Variants in NAV3 observed in about 807,000 individuals in gnomAD.
NAV3 encodes the protein pore membrane and/or filament interacting like protein 1.
NAV3 carries 87 observed loss-of-function variants against 244.7 expected under a neutral mutation model. The ratio of observed to expected loss-of-function variants is 0.36; its 90% confidence interval spans 0.30 to 0.42. The LOEUF is 0.42. NAV3 is among the 20% of genes least tolerant of loss of function. The pLI is 1.00. For missense variants in NAV3, 2,663 were observed against 2,893.3 expected (o/e 0.92, Z 1.83); for synonymous variants, 1,126 against 1,042.2 (o/e 1.08, Z -1.55).
intron 9 of NAV3, among the ~76,000 whole-genome samples, chr12:78,042,669 A>G (rs1413756251): frequency 6.6e-6 from 1 of 152,148 alleles, no homozygotes; most frequent in Non-Finnish European, 1.5e-5. Flanking sequence ...CGAGGGCCTG[A>G]TATCAGCTAC....
intron 22 of NAV3, among the ~76,000 whole-genome samples, chr12:78,155,179 A>T (rs529729741): frequency 3.1e-4 from 47 of 151,338 alleles, no homozygotes; most frequent in African/African-American, 1.1e-3. Flanking sequence ...CCCTCCCCTA[A>T]CTCCCACTGA....
intron 2 of NAV3, among the ~76,000 whole-genome samples, chr12:77,721,943 A>G (rs1011654455): frequency 3.9e-5 from 6 of 151,980 alleles, no homozygotes; most frequent in South Asian, 2.1e-4. Context: ...ACACAATACT[A>G]CTCATAGTTT....
intron 9 of NAV3, among the ~76,000 whole-genome samples, chr12:78,026,258 C>T (rs1252311807): frequency 3.9e-5 from 6 of 152,144 alleles, no homozygotes. Flanking sequence ...CTCAAATATC[C>T]AACTGCCAAC....
chr12:77,740,134 A>G (rs1471651523), intron 2 of NAV3, among the ~76,000 whole-genome samples: 1 of 152,208 alleles, frequency 6.6e-6, no homozygotes, highest in African/African-American at 2.4e-5. Flanking sequence ...AGGGTGAAAG[A>G]ATGCCACTTT....
At chr12:78,203,994 C>T (rs1352166780) in intron 38 of NAV3, among the ~76,000 whole-genome samples, 1 of 152,066 alleles carries the variant, frequency 6.6e-6, no homozygotes, top group Admixed American at 6.6e-5. Flanking sequence ...GCTATATCAG[C>T]TCTTACTTAT....
chr12:77,832,682 G>C (rs1190371644), intron 1 of NAV3, among the ~76,000 whole-genome samples: 1 of 151,744 alleles, frequency 6.6e-6, no homozygotes, highest in Non-Finnish European at 1.5e-5. Flanking sequence ...AGTTATTGTT[G>C]ACAGTAATCA....
At chr12:77,657,328 C>T (rs968753240) in intron 2 of NAV3, among the ~76,000 whole-genome samples, 4 of 152,282 alleles carry the variant, frequency 2.6e-5, no homozygotes, top group Non-Finnish European at 4.4e-5. Context: ...ACTACAAACA[C>T]CTCTACACAA....
At chr12:78,038,481 G>A (rs1880299162) in intron 9 of NAV3, among the ~76,000 whole-genome samples, 1 of 152,146 alleles carries the variant, frequency 6.6e-6, no homozygotes, top group Admixed American at 6.5e-5. Flanking sequence ...GATTCTTTTA[G>A]TGAACCAGTT....
chr12:77,732,556 A>G (rs711146), intron 2 of NAV3, among the ~76,000 whole-genome samples: 81,335 of 151,304 alleles, frequency 0.54, 22,552 homozygotes, highest in East Asian at 0.85. Flanking sequence ...CATTGCTAAC[A>G]TTTACTGAGA....
chr12:78,183,821 A>G (rs969405267), intron 30 of NAV3, among the ~76,000 whole-genome samples: 5 of 151,890 alleles, frequency 3.3e-5, no homozygotes, highest in Non-Finnish European at 7.4e-5. Flanking sequence ...GATTTGGTCC[A>G]TACTTATTTC....
At chr12:77,953,731 C>T (rs1891110961) in intron 3 of NAV3, among the ~76,000 whole-genome samples, 1 of 152,070 alleles carries the variant, frequency 6.6e-6, no homozygotes. Context: ...TCCTCTCTGC[C>T]CCCAGCACTA....
chr12:78,209,079 C>A lies in NAV3; in HGVS notation c.7039-1319C>A, dbSNP rs537830150. Reference sequence around the variant, plus strand: ...ATCACCTACTACTTTTATTTCATAACCTTATGTAGCTTATTTAATAAATTA... The same window carrying A: ...ATCACCTACTACTTTTATTTCATAAACTTATGTAGCTTATTTAATAAATTA... On this transcript the variant is annotated intron_variant, in intron 39 of 39. Transcript: ENST00000397909. 9.2e-4 allele frequency among the ~76,000 whole-genome samples: 140 copies of A among 152,150 alleles called. 1 individual carries two copies. The highest frequency in any genetic ancestry group is 2.9e-3 in the African/African-American group (122 of 41,526).
At chr12:77,671,245 T>C (rs1286358054) in intron 2 of NAV3, among the ~76,000 whole-genome samples, 1 of 151,962 alleles carries the variant, frequency 6.6e-6, no homozygotes, top group East Asian at 1.9e-4. Context: ...CTTAGGACTA[T>C]ACCTAACAAA....
At chr12:77,713,451 T>C (rs559555773) in intron 2 of NAV3, among the ~76,000 whole-genome samples, 2 of 152,316 alleles carry the variant, frequency 1.3e-5, no homozygotes, top group South Asian at 2.1e-4. Context: ...ATGAATACTT[T>C]TCTTATAATG....
intron 12 of NAV3, among the ~76,000 whole-genome samples, chr12:78,101,529 T>TATC (rs149993520): frequency 6.6e-6 from 1 of 152,292 alleles, no homozygotes; most frequent in Non-Finnish European, 1.5e-5. Context: ...CATTTTAGTA[T>TATC]ATCAGTGTTT....
intron 5 of NAV3, among the ~76,000 whole-genome samples, chr12:77,993,312 T>C (rs996136815): frequency 6.6e-6 from 1 of 152,232 alleles, no homozygotes; most frequent in African/African-American, 2.4e-5. Context: ...TACTCTTGAA[T>C]TGACAAGTAG....
intron 2 of NAV3, among the ~76,000 whole-genome samples, chr12:77,699,035 G>T (rs7978105): frequency 6.6e-6 from 1 of 151,978 alleles, no homozygotes; most frequent in Non-Finnish European, 1.5e-5. Flanking sequence ...ATATACTCTA[G>T]ATTCAGGATA....
chr12:77,728,854 C>T (rs527267810), intron 2 of NAV3, among the ~76,000 whole-genome samples: 1 of 19,464 alleles, frequency 5.1e-5, no homozygotes, highest in African/African-American at 3.8e-4. Context: ...CCCCTTCTAC[C>T]CGCTTCACTT....
intron 11 of NAV3, among the ~76,000 whole-genome samples, chr12:78,053,073 C>A (rs564505725): frequency 6.6e-6 from 1 of 151,784 alleles, no homozygotes; most frequent in South Asian, 2.1e-4. Context: ...GTTAGCCAGG[C>A]ATGGTGGCTT....
Sources: gnomAD v4.1 joint callset for allele counts (sites outside exome capture counted in the v4.1 genomes callset) on GRCh38, gnomAD v4.1.1 for gene constraint, MANE v1.5 for transcripts, NCBI Gene and HGNC (gene_info 2026-07-23, HGNC 2026-07-21) for gene names.